The following ADAMTS2 variants were observed in gnomAD, a reference collection of about 807,000 sequenced individuals.
ADAMTS2 encodes the protein ADAM metallopeptidase with thrombospondin type 1 motif 2.
A neutral mutation model predicts 123.0 loss-of-function variants in ADAMTS2; 50 were observed. That is an observed-to-expected ratio of 0.41 (90% CI 0.32 to 0.51). ADAMTS2 has a LOEUF of 0.51. ADAMTS2 is among the 20% of genes least tolerant of loss of function. The pLI is 0.35. For synonymous variants in ADAMTS2, 678 were observed against 695.4 expected (o/e 0.98, Z 0.39); for missense variants, 1,494 against 1,705.2 (o/e 0.88, Z 2.18).
chr5:179,280,037 G>T (rs956087710), intron 2 of ADAMTS2, among the ~76,000 whole-genome samples: 7 of 152,176 alleles, frequency 4.6e-5, no homozygotes, highest in African/African-American at 1.7e-4. Context: ...TGGAGCTATG[G>T]CTGGAGCTGG....
intron 3 of ADAMTS2, among the ~76,000 whole-genome samples, chr5:179,251,170 C>T (rs1765914410): frequency 6.6e-6 from 1 of 152,190 alleles, no homozygotes; most frequent in Admixed American, 6.5e-5. Flanking sequence ...AGCCTTCCAT[C>T]CCTTACCTAG....
intron 10 of ADAMTS2, among the ~76,000 whole-genome samples, chr5:179,148,676 G>C (rs143716044): frequency 6.6e-6 from 1 of 152,078 alleles, no homozygotes; most frequent in South Asian, 2.1e-4. Context: ...GGTCCTCCTC[G>C]CTCGGGCAAG....
At chr5:179,237,695 C>T (rs114247658) in intron 3 of ADAMTS2, among the ~76,000 whole-genome samples, 82 of 152,210 alleles carry the variant, frequency 5.4e-4, no homozygotes, top group African/African-American at 1.9e-3. Context: ...TTAAAGGAGA[C>T]GGGGCCTGAT....
chr5:179,280,305 G>A (rs954000204), intron 2 of ADAMTS2, among the ~76,000 whole-genome samples: 1 of 152,194 alleles, frequency 6.6e-6, no homozygotes, highest in African/African-American at 2.4e-5. Flanking sequence ...AGGGTGGGGG[G>A]CGAGGCAGGC....
At chr5:179,176,243 A>C (rs1763927697) in intron 5 of ADAMTS2, among the ~76,000 whole-genome samples, 1 of 152,118 alleles carries the variant, frequency 6.6e-6, no homozygotes, top group Admixed American at 6.6e-5. Flanking sequence ...GTGAGGGGCT[A>C]CGGGGCCGTC....
chr5:179,205,494 C>T (rs2113369342), intron 4 of ADAMTS2, among the ~76,000 whole-genome samples: 1 of 152,354 alleles, frequency 6.6e-6, no homozygotes, highest in South Asian at 2.1e-4. Flanking sequence ...AGCAGCGTTC[C>T]CAACGACGCG....
intron 4 of ADAMTS2, among the ~76,000 whole-genome samples, chr5:179,187,245 C>G (rs1764193332): frequency 6.6e-6 from 1 of 152,202 alleles, no homozygotes; most frequent in African/African-American, 2.4e-5. Flanking sequence ...CTTGCTTAAA[C>G]CCTTCCTACC....
chr5:179,150,473 T>C (rs1763334169), intron 10 of ADAMTS2, among the ~76,000 whole-genome samples: 1 of 152,158 alleles, frequency 6.6e-6, no homozygotes, highest in African/African-American at 2.4e-5. Context: ...TATACACAAA[T>C]GTTCACAGCG....
At chr5:179,333,087 G>A (rs928540196) in intron 2 of ADAMTS2, among the ~76,000 whole-genome samples, 1 of 152,192 alleles carries the variant, frequency 6.6e-6, no homozygotes, top group African/African-American at 2.4e-5. Context: ...ATTTCCAGGT[G>A]AGAGACCCGA....
At position 179,175,743 on chromosome 5, in the gene ADAMTS2, C is replaced by T. The variant is rs981837076; in HGVS notation, c.975+5329G>A. 6.6e-6 allele frequency among the ~76,000 whole-genome samples: 1 copy of T among 152,220 alleles called. No homozygotes were observed. The highest frequency in any genetic ancestry group is 2.4e-5 in the African/African-American group (1 of 41,452). ...TTAACAGCAAACAATGAGAATTTGTCTCTGCTCTTTTCCAATACTAGTTTC... is the reference window on the plus strand; with the variant it reads ...TTAACAGCAAACAATGAGAATTTGTTTCTGCTCTTTTCCAATACTAGTTTC... On this transcript the variant is annotated intron_variant, in intron 5 of 21. Coordinates refer to ENST00000251582, the MANE Select transcript of ADAMTS2 (RefSeq NM_014244.5). The surrounding 1 kb of genome is among the most constrained non-coding windows in gnomAD (Gnocchi z 4.1).
At chr5:179,257,330 C>T (rs1368868073) in intron 3 of ADAMTS2, among the ~76,000 whole-genome samples, 1 of 152,224 alleles carries the variant, frequency 6.6e-6, no homozygotes, top group Non-Finnish European at 1.5e-5. Context: ...CATCATCGGC[C>T]GTTTGCTCTC....
intron 17 of ADAMTS2, 81 bp downstream of exon 17, chr5:179,127,878 T>C: frequency 6.3e-7 from 1 of 1,578,576 alleles, no homozygotes; most frequent in Non-Finnish European, 8.6e-7. Context: ...CTGCTCACGC[T>C]GGCCCCACCC....
rs1756719424 is a variant in ADAMTS2, at chr5:179,307,752, C to T, written c.535-34688G>A. On this transcript the variant is annotated intron_variant, in intron 2 of 21. Coordinates refer to ENST00000251582, the MANE Select transcript of ADAMTS2 (RefSeq NM_014244.5). This position sits in a 1 kb window ranked among gnomAD's most constrained non-coding sequence, Gnocchi z 5.6. ...TCAGGGCCTTTGCACCTGCTGCTGC[C>T]TCCACCTGGAATGGCCTTCTTCCAG... Among the ~76,000 whole-genome samples, 1 of 152,234 alleles carries T rather than the reference C, an allele frequency of 6.6e-6. No homozygotes were observed. The highest frequency in any genetic ancestry group is 2.4e-5 in the African/African-American group (1 of 41,466).
chr5:179,126,157 C>A (rs372108778), intron 17 of ADAMTS2, 27 bp from the exon 18 acceptor site: 3 of 1,612,576 alleles, frequency 1.9e-6, no homozygotes, highest in Middle Eastern at 1.6e-4. Flanking sequence ...CGACGGGGGT[C>A]GGTGGGGCAG....
chr5:179,229,329 AAACATGAGACCCCGCTGCCCACTCCCG>A (rs1365524529), intron 3 of ADAMTS2, among the ~76,000 whole-genome samples: 1 of 101,962 alleles, frequency 9.8e-6, no homozygotes, highest in African/African-American at 3.3e-5. Flanking sequence ...CCCACTCCAC[AAACATGAGACCCCGCTGCCCACTCCCG>A]ACGGAGAGGT....
chr5:179,123,023 T>G (rs1762791425), intron 19 of ADAMTS2, among the ~76,000 whole-genome samples: 1 of 152,198 alleles, frequency 6.6e-6, no homozygotes, highest in African/African-American at 2.4e-5. Flanking sequence ...ATATACAGAC[T>G]GGCATAGGCC....
At chr5:179,195,980 G>A (rs1333091937) in intron 4 of ADAMTS2, among the ~76,000 whole-genome samples, 2 of 152,184 alleles carry the variant, frequency 1.3e-5, no homozygotes, top group Non-Finnish European at 2.9e-5. Flanking sequence ...TTGGGGCGAC[G>A]CCTTCCGCCT....
At chr5:179,232,817 C>T (rs1460280528) in intron 3 of ADAMTS2, among the ~76,000 whole-genome samples, 2 of 152,068 alleles carry the variant, frequency 1.3e-5, no homozygotes, top group Non-Finnish European at 2.9e-5. Context: ...ACTGCAATTC[C>T]CATGTTTGTA....
At chr5:179,173,002 C>A (rs866495436) in intron 5 of ADAMTS2, among the ~76,000 whole-genome samples, 2 of 149,256 alleles carry the variant, frequency 1.3e-5, no homozygotes, top group African/African-American at 2.5e-5. Flanking sequence ...CCTGGGAGTT[C>A]AAGACCAGCC....
Sources: allele counts gnomAD v4.1 joint callset (sites outside exome capture counted in the v4.1 genomes callset), GRCh38; gene constraint gnomAD v4.1.1; non-coding constraint Gnocchi (gnomAD v3.1); transcripts MANE v1.5; gene names NCBI Gene and HGNC (gene_info 2026-07-23, HGNC 2026-07-21).